ERO1A: variants seen among roughly 807,000 people sequenced by gnomAD.
ERO1A encodes the protein endoplasmic reticulum oxidoreductase 1 alpha.
ERO1A carries 49 observed loss-of-function variants against 76.9 expected under a neutral mutation model. The ratio of observed to expected loss-of-function variants is 0.64; its 90% CI spans 0.51 to 0.81. ERO1A has a LOEUF of 0.81. Ranked by LOEUF, ERO1A falls within the 30% of genes least tolerant of loss-of-function variation. ERO1A has a pLI of 0.00. For synonymous variants in ERO1A, 174 were observed against 181.2 expected (o/e 0.96, Z 0.32); for missense variants, 448 against 542.1 (o/e 0.83, Z 1.72).
intron 15 of ERO1A, 148 bp from the exon 16 acceptor site, chr14:52,643,778 T>G: frequency 2.0e-6 from 1 of 499,836 alleles, no homozygotes; most frequent in Non-Finnish European, 3.5e-6. Context: ...TTAATATATT[T>G]TAGTTCTTAA....
chr14:52,691,407 C>A (rs2041349793), intron 1 of ERO1A, among the ~76,000 whole-genome samples: 1 of 152,160 alleles, frequency 6.6e-6, no homozygotes, highest in African/African-American at 2.4e-5. Context: ...ATATTTCTTC[C>A]ACACAGTTTA....
In ERO1A at chr14:52,642,878, T is replaced by C. The variant is rs925111155; in HGVS notation, c.*692A>G. The C allele has an allele frequency of 7.9e-5, 12 of 152,610 alleles. No individual in the cohort carries two copies. Among genetic ancestry groups the C allele is most frequent in the African/African-American group, 2.7e-4 (11 of 41,448 alleles). The allele number at this position is 152,610 out of a possible 1,614,324, so 9.5% of individuals were successfully genotyped here. ...AATCTCCTGTGCCTTTGAGTTGTTA[T>C]TGTACGTTTCTACACACAAAAACAA... is the stretch of plus-strand genomic sequence containing the variant. On this transcript the variant is annotated 3_prime_UTR_variant, in exon 16 of 16. Coordinates refer to ENST00000395686, the MANE Select transcript of ERO1A (RefSeq NM_014584.3).
At chr14:52,680,125 A>G (rs1013367336) in intron 3 of ERO1A, among the ~76,000 whole-genome samples, 4 of 150,330 alleles carry the variant, frequency 2.7e-5, no homozygotes. Flanking sequence ...CATGAAAGGC[A>G]TTCTGCCTTT....
At chr14:52,665,627 T>C (rs2040388054) in intron 7 of ERO1A, among the ~76,000 whole-genome samples, 1 of 148,894 alleles carries the variant, frequency 6.7e-6, no homozygotes, top group Admixed American at 6.7e-5. Context: ...CGCACATACA[T>C]TGATCCCAAA....
chr14:52,694,987 A>C (rs949299327), intron 1 of ERO1A, among the ~76,000 whole-genome samples: 1 of 152,252 alleles, frequency 6.6e-6, no homozygotes, highest in Non-Finnish European at 1.5e-5. Flanking sequence ...TACTGGGTAC[A>C]CAAGTTCCTG....
chr14:52,655,624 CAG>C (rs1257993279), intron 11 of ERO1A, among the ~76,000 whole-genome samples: 15 of 151,724 alleles, frequency 9.9e-5, no homozygotes, highest in Non-Finnish European at 8.8e-5. Flanking sequence ...TATTACAACT[CAG>C]AGGAATTTCT....
intron 11 of ERO1A, among the ~76,000 whole-genome samples, chr14:52,656,139 C>T (rs1007966360): frequency 3.9e-5 from 6 of 152,136 alleles, no homozygotes; most frequent in African/African-American, 1.4e-4. Context: ...TTCAAACCCT[C>T]CTGTCTCCTA....
chr14:52,695,272 G>T, intron 1 of ERO1A, 96 bp downstream of exon 1: 1 of 785,312 alleles, frequency 1.3e-6, no homozygotes, highest in Non-Finnish European at 1.8e-6. Flanking sequence ...AGAGATGCAA[G>T]GACGCACCCC....
chr14:52,662,439 A>C (rs1186116160), intron 8 of ERO1A, among the ~76,000 whole-genome samples: 1 of 152,228 alleles, frequency 6.6e-6, no homozygotes, highest in Non-Finnish European at 1.5e-5. Flanking sequence ...CTAGGAGGAA[A>C]TTTATATTTA....
chr14:52,663,827 G>A lies in ERO1A; in HGVS notation c.650C>T (p.Pro217Leu). Residue 217 changes from proline to leucine, a missense_variant, in exon 8 of 16, where the codon CCT becomes CTT. By Grantham distance (98) the Pro-to-Leu change is moderately conservative. Transcript: ENST00000395686. ...TTGACCAGAAGCCAAAGGATTTAAA[G>A]GTCTTTTAATTGTCTGTGGCCTAGA... ...NCFKPQTIKR[P>L]LNPLASGQGT... The A allele has an allele frequency of 1.3e-6, 2 of 1,568,040 alleles. No homozygotes were observed. The highest frequency in any genetic ancestry group is 8.8e-7 in the Non-Finnish European group (1 of 1,141,048).
chr14:52,665,436 A>G (rs1387430399), intron 7 of ERO1A, among the ~76,000 whole-genome samples: 2 of 150,236 alleles, frequency 1.3e-5, no homozygotes, highest in East Asian at 4.0e-4. Flanking sequence ...CAAACTGGAG[A>G]AATTCTTCAA....
chr14:52,678,499 G>A (rs1471767241), intron 3 of ERO1A, 27 bp from the exon 4 acceptor site: 4 of 1,584,848 alleles, frequency 2.5e-6, no homozygotes, highest in South Asian at 1.1e-5. Context: ...TATGTTTTTA[G>A]TTGGCATTTA....
chr14:52,664,088 C>A, intron 7 of ERO1A: 1 of 315,938 alleles, frequency 3.2e-6, no homozygotes, highest in Non-Finnish European at 5.9e-6. Context: ...CTTCTTCAAA[C>A]AAAAGAAGAG....
intron 8 of ERO1A, 79 bp downstream of exon 8, chr14:52,663,722 A>G: frequency 1.2e-6 from 1 of 853,510 alleles, no homozygotes; most frequent in Admixed American, 1.9e-5. Flanking sequence ...TGTTACTGTC[A>G]TTTATCTTGC....
At chr14:52,644,607 C>T (rs867972708) in intron 15 of ERO1A, among the ~76,000 whole-genome samples, 9 of 151,652 alleles carry the variant, frequency 5.9e-5, no homozygotes, top group South Asian at 2.1e-4. Flanking sequence ...TATTAAAGTA[C>T]GTAAGTATAA....
chr14:52,675,052 C>G (rs2040733328), intron 4 of ERO1A, among the ~76,000 whole-genome samples: 1 of 152,114 alleles, frequency 6.6e-6, no homozygotes, highest in Non-Finnish European at 1.5e-5. Context: ...CAAGGATGGA[C>G]AGATGAACAG....
intron 1 of ERO1A, among the ~76,000 whole-genome samples, chr14:52,690,028 A>G (rs2041304303): frequency 6.6e-6 from 1 of 152,250 alleles, no homozygotes; most frequent in South Asian, 2.1e-4. Flanking sequence ...GGGAAAGCAC[A>G]GTCTTGTCAA....
chr14:52,679,140 A>G (rs2040901795), intron 3 of ERO1A, among the ~76,000 whole-genome samples: 1 of 152,076 alleles, frequency 6.6e-6, no homozygotes, highest in Admixed American at 6.5e-5. Flanking sequence ...CGCTGGCACC[A>G]TGCTTCTTCC....
chr14:52,672,053 C>T lies in ERO1A; in HGVS notation c.358-182G>A, dbSNP rs1029606972. 4.1e-5 allele frequency: 20 copies of T among 490,596 alleles called. No homozygotes were observed. In the Admixed American group the frequency reaches 6.2e-4, roughly 15 times the overall value. The allele number at this position is 490,596 out of a possible 1,614,324, so 30.4% of individuals were successfully genotyped here. ...GGTACGGTGGCTCACGCCTATAATC[C>T]CGGCACTGTGGGAGCCCGAGGCAGG... On this transcript the variant is annotated intron_variant, in intron 4 of 15. Transcript: ENST00000395686.
Sources: allele counts gnomAD v4.1 joint callset (sites outside exome capture counted in the v4.1 genomes callset), GRCh38; gene constraint gnomAD v4.1.1; transcripts MANE v1.5; gene names NCBI Gene and HGNC (gene_info 2026-07-23, HGNC 2026-07-21).